GCLC: variants seen among roughly 807,000 people sequenced by gnomAD.
GCLC encodes the protein glutamate-cysteine ligase catalytic subunit.
Under a neutral mutation model 81.5 loss-of-function variants are expected in GCLC, and 30 were observed. The ratio of observed to expected loss-of-function variants is 0.37; its 90% confidence interval spans 0.28 to 0.50. The LOEUF (loss-of-function observed/expected upper bound fraction) is 0.50, where lower values mean the gene tolerates loss of function less well. Among genes scored for constraint, GCLC ranks in the 20% least tolerant of loss-of-function variants. The pLI is 0.96. For missense variants in GCLC, 556 were observed against 777.4 expected, an observed-to-expected ratio of 0.72 and a Z score of 3.39; for synonymous variants, 262 against 273.3, an observed-to-expected ratio of 0.96 and a Z score of 0.41.
Position 53,500,373 on chromosome 6 carries a change from G to C in GCLC, c.1478-23C>G, listed in dbSNP as rs769004768. 27 of 1,610,518 alleles carry C rather than the reference G, an allele frequency of 1.7e-5. 1 individual carries two copies. The Middle Eastern group carries it at 8.2e-4, about 49-fold the overall frequency. On this transcript the variant is annotated intron_variant, in intron 13 of 15. Coordinates refer to ENST00000650454, the MANE Select transcript of GCLC (RefSeq NM_001498.4). Reference sequence around the variant, plus strand: ...CACCTGCCGGAGAAGAGGGTCAGGGGAGCTTTAGCAGCTTGTTGCAGCATA... The same window carrying C: ...CACCTGCCGGAGAAGAGGGTCAGGGCAGCTTTAGCAGCTTGTTGCAGCATA...
chr6:53,506,176 C>T lies in GCLC; in HGVS notation c.1198-281G>A. On this transcript the variant is annotated intron_variant, in intron 10 of 15. Transcript: ENST00000650454. This position sits in a 1 kb window ranked among gnomAD's most constrained non-coding sequence, Gnocchi z 4.0. ...CAGCTACAGAGCAGCATCTGAAGAG[C>T]CACGGGGCCCCCACCTTCATCCCTG... 2.6e-6 allele frequency: 1 copy of T among 386,064 alleles called. No individual in the cohort carries two copies. Among genetic ancestry groups the T allele is most frequent in the Non-Finnish European group, 4.9e-6 (1 of 204,376 alleles). The allele number at this position is 386,064 out of a possible 1,614,324, so 23.9% of individuals were successfully genotyped here. A position where few individuals can be genotyped will look rare whatever the true frequency, so the allele number is the denominator to read the frequency against.
intron 2 of GCLC, among the ~76,000 whole-genome samples, chr6:53,521,850 T>C (rs1581740790): frequency 6.6e-6 from 1 of 152,106 alleles, no homozygotes; most frequent in Admixed American, 6.5e-5. Context: ...GGCGGGCGCC[T>C]GTAGTCCCAG....
At chr6:53,501,533 T>C (rs1224060066) in intron 12 of GCLC, among the ~76,000 whole-genome samples, 1 of 152,240 alleles carries the variant, frequency 6.6e-6, no homozygotes, top group Non-Finnish European at 1.5e-5. Flanking sequence ...AATGAAATCT[T>C]ATGTGGGACC....
At chr6:53,524,608 T>G (rs1763051291) in intron 1 of GCLC, among the ~76,000 whole-genome samples, 1 of 152,190 alleles carries the variant, frequency 6.6e-6, no homozygotes, top group Admixed American at 6.5e-5. Flanking sequence ...AAATGTTCCT[T>G]CTTCAGTACT....
intron 1 of GCLC, among the ~76,000 whole-genome samples, chr6:53,531,362 G>C (rs143684413): frequency 4.7e-4 from 72 of 152,272 alleles, no homozygotes; most frequent in Non-Finnish European, 9.4e-4. Flanking sequence ...GTTTCACAGA[G>C]CGCTTGTTTT....
At chr6:53,516,265 A>C (rs756759925) in intron 3 of GCLC, 43 bp from the exon 4 acceptor site, 1 of 1,278,186 alleles carries the variant, frequency 7.8e-7, no homozygotes, top group South Asian at 1.2e-5. Flanking sequence ...TTTGTTTTCA[A>C]GAATTAATTG....
chr6:53,505,403 G>T lies in GCLC; in HGVS notation c.1384C>A (p.Pro462Thr). ...ILSYKLDFLI[P>T]LSKVDENMKV... Reference sequence around the variant, plus strand: ...AAACATATCCTTACCTTTGACAGTGGAATGAGAAAATCCAATTTGTAGGAA... The same window carrying T: ...AAACATATCCTTACCTTTGACAGTGTAATGAGAAAATCCAATTTGTAGGAA... The change falls in exon 12 of 16, where the codon CCA (proline) becomes ACA (threonine). Residue 462 changes from proline to threonine, a missense_variant. Around this residue, in one of 3 missense-constraint regions of GCLC, gnomAD observed 313 missense variants for 437.3 expected, o/e 0.72. Coordinates refer to ENST00000650454, the MANE Select transcript of GCLC (RefSeq NM_001498.4). 6.6e-7 allele frequency: 1 copy of T among 1,509,802 alleles called. No individual in the cohort carries two copies. Among genetic ancestry groups the T allele is most frequent in the Non-Finnish European group, 9.2e-7 (1 of 1,084,942 alleles). The allele number at this position is 1,509,802 out of a possible 1,614,324, so 93.5% of individuals were successfully genotyped here.
chr6:53,536,318 T>C (rs1373738554), intron 1 of GCLC, among the ~76,000 whole-genome samples: 1 of 152,180 alleles, frequency 6.6e-6, no homozygotes, highest in Non-Finnish European at 1.5e-5. Flanking sequence ...AGGAAGAAAT[T>C]ACCAAAGGGG....
At chr6:53,541,871 T>C (rs1221251418) in intron 1 of GCLC, among the ~76,000 whole-genome samples, 2 of 152,074 alleles carry the variant, frequency 1.3e-5, no homozygotes, top group Non-Finnish European at 2.9e-5. Flanking sequence ...TGTTATCAAA[T>C]CTTTTTTTGG....
chr6:53,537,340 T>C (rs555879594), intron 1 of GCLC, among the ~76,000 whole-genome samples: 2 of 152,322 alleles, frequency 1.3e-5, no homozygotes, highest in East Asian at 3.9e-4. Flanking sequence ...CTAAAAAAGA[T>C]AGAGAGATGC....
chr6:53,538,263 C>G (rs1561952715), intron 1 of GCLC, among the ~76,000 whole-genome samples: 2 of 150,832 alleles, frequency 1.3e-5, no homozygotes, highest in Non-Finnish European at 3.0e-5. Context: ...GTGATCCTTC[C>G]ACCTCAGCCT....
In GCLC at chr6:53,500,606, T is replaced by A. The variant is rs1001449630; in HGVS notation, c.1396-93A>T. The A allele has an allele frequency of 1.7e-5, 15 of 872,392 alleles. No individual in the cohort carries two copies. The South Asian group carries it at 2.0e-4, about 11-fold the overall frequency. 54.0% of individuals were successfully genotyped at this position (872,392 alleles called of 1,614,324 possible). On this transcript the variant is annotated intron_variant, in intron 12 of 15. Transcript: ENST00000650454. Reference sequence around the variant, plus strand: ...TCCTCACCTTTGCAATTAGGACTCATTCCCTTAGGGATTCTACTTTCTGCT... The same window carrying A: ...TCCTCACCTTTGCAATTAGGACTCAATCCCTTAGGGATTCTACTTTCTGCT...
intron 6 of GCLC, 147 bp downstream of exon 6, chr6:53,514,057 A>T: frequency 1.5e-6 from 1 of 680,246 alleles, no homozygotes; most frequent in Non-Finnish European, 2.5e-6. Context: ...TTACTAATAT[A>T]ACTTCATGTT....
At chr6:53,541,999 T>C (rs552445540) in intron 1 of GCLC, among the ~76,000 whole-genome samples, 1 of 152,184 alleles carries the variant, frequency 6.6e-6, no homozygotes, top group African/African-American at 2.4e-5. Context: ...TCCCGAGTAG[T>C]TGGGGCCACA....
chr6:53,531,820 T>G (rs187627996), intron 1 of GCLC, among the ~76,000 whole-genome samples: 370 of 152,378 alleles, frequency 2.4e-3, no homozygotes, highest in Middle Eastern at 6.8e-3. Context: ...GTATTTATCC[T>G]GCCCAGAGCA....
At chr6:53,504,189 AT>A (rs869191868) in intron 12 of GCLC, among the ~76,000 whole-genome samples, 1 of 150,286 alleles carries the variant, frequency 6.7e-6, no homozygotes, top group East Asian at 2.0e-4. Context: ...GTTTAAAAGT[AT>A]TTTTTAAAAA....
intron 1 of GCLC, among the ~76,000 whole-genome samples, chr6:53,526,565 G>A (rs962163197): frequency 3.3e-5 from 5 of 152,056 alleles, no homozygotes; most frequent in African/African-American, 9.7e-5. Context: ...TTGGGAGGCC[G>A]AGGCGGGCGG....
rs1198061084 is a variant in GCLC, at chr6:53,507,276, A to G, written c.1084+204T>C. The stretch of plus-strand genomic sequence containing the variant: ...GGTGTGGACCTAGACACAGACCTCC[A>G]AAGTAAGCTCCTTTTGCTAAAAATC... On this transcript the variant is annotated intron_variant, in intron 9 of 15. Coordinates refer to ENST00000650454, the MANE Select transcript of GCLC (RefSeq NM_001498.4). Among the ~76,000 whole-genome samples, 18 of 152,326 alleles carry G rather than the reference A, an allele frequency of 1.2e-4. 1 individual carries two copies. The South Asian group carries it at 3.7e-3, about 32-fold the overall frequency.
intron 1 of GCLC, among the ~76,000 whole-genome samples, chr6:53,523,687 A>G (rs960074744): frequency 6.6e-6 from 1 of 152,074 alleles, no homozygotes; most frequent in African/African-American, 2.4e-5. Context: ...TCCCTTATTT[A>G]TGTGTATTTC....
Sources: gnomAD v4.1 joint callset for allele counts (sites outside exome capture counted in the v4.1 genomes callset) on GRCh38, gnomAD v4.1.1 for gene constraint, gnomAD v4.1.1 regional missense constraint, Gnocchi (gnomAD v3.1) non-coding constraint, MANE v1.5 for transcripts, NCBI Gene and HGNC (gene_info 2026-07-23, HGNC 2026-07-21) for gene names.